LRRC4C: variants seen among roughly 807,000 people sequenced by gnomAD.
The protein encoded by LRRC4C is leucine-rich repeat-containing protein 4C.
In LRRC4C, 5 loss-of-function variants were observed where a neutral mutation model predicts 33.6. The ratio of observed to expected loss-of-function variants is 0.15; its 90% CI spans 0.08 to 0.31. The LOEUF (loss-of-function observed/expected upper bound fraction) is 0.31. Among genes scored for constraint, LRRC4C ranks in the 10% least tolerant of loss-of-function variants. The pLI is 1.00. For synonymous variants in LRRC4C, 329 were observed against 302.0 expected (o/e 1.09, Z -0.93); for missense variants, 560 against 796.7 (o/e 0.70, Z 3.58).
At chr11:40,739,934 A>G (rs1948080878) in intron 2 of LRRC4C, among the ~76,000 whole-genome samples, 1 of 151,944 alleles carries the variant, frequency 6.6e-6, no homozygotes. Context: ...ATATTATACA[A>G]TCAACATATA....
At chr11:41,457,161 C>T (rs1240537322) in intron 1 of LRRC4C, among the ~76,000 whole-genome samples, 2 of 151,814 alleles carry the variant, frequency 1.3e-5, no homozygotes, top group Non-Finnish European at 2.9e-5. Context: ...TAATTTTTAC[C>T]AACACCACAC....
intron 3 of LRRC4C, among the ~76,000 whole-genome samples, chr11:40,354,265 C>A (rs1947553263): frequency 6.6e-6 from 1 of 152,178 alleles, no homozygotes; most frequent in African/African-American, 2.4e-5. Context: ...AGGGCTGACA[C>A]AAACACCCCT....
intron 3 of LRRC4C, among the ~76,000 whole-genome samples, chr11:40,393,726 CTTT>C (rs1214162802): frequency 1.3e-5 from 2 of 152,102 alleles, no homozygotes; most frequent in African/African-American, 4.8e-5. Flanking sequence ...TGCAATGGTC[CTTT>C]AATGAATACT....
intron 1 of LRRC4C, among the ~76,000 whole-genome samples, chr11:41,453,316 C>G (rs1396884199): frequency 1.3e-5 from 2 of 152,012 alleles, no homozygotes; most frequent in Non-Finnish European, 2.9e-5. Context: ...CTGCCAAAGA[C>G]CACAAAAATA....
chr11:40,630,330 CTCTTCTTCTTCT>C (rs200043868), intron 3 of LRRC4C, among the ~76,000 whole-genome samples: 4,137 of 135,464 alleles, frequency 0.031, 106 homozygotes, highest in East Asian at 0.04. Context: ...TTTCTTCTTC[CTCTTCTTCTTCT>C]TCTTCTTCTT....
At chr11:40,763,432 G>A (rs895753398) in intron 2 of LRRC4C, among the ~76,000 whole-genome samples, 3 of 152,088 alleles carry the variant, frequency 2.0e-5, no homozygotes, top group African/African-American at 2.4e-5. Context: ...CATCCCCACT[G>A]CTGCCCAACA....
intron 2 of LRRC4C, among the ~76,000 whole-genome samples, chr11:40,741,164 A>C (rs778473138): frequency 1.3e-5 from 2 of 152,128 alleles, no homozygotes; most frequent in Non-Finnish European, 2.9e-5. Context: ...ACAATTATTA[A>C]GAGTAATATT....
intron 5 of LRRC4C, among the ~76,000 whole-genome samples, chr11:40,147,627 G>A (rs1299889883): frequency 6.6e-6 from 1 of 151,730 alleles, no homozygotes; most frequent in African/African-American, 2.4e-5. Context: ...CTTTTTGTAG[G>A]TTAGACAGAT....
At chr11:40,456,575 C>CA (rs1175733256) in intron 3 of LRRC4C, among the ~76,000 whole-genome samples, 2 of 151,156 alleles carry the variant, frequency 1.3e-5, no homozygotes, top group African/African-American at 2.4e-5. Context: ...AGTTTTACAA[C>CA]AAAAAATGGA....
intron 2 of LRRC4C, among the ~76,000 whole-genome samples, chr11:40,823,907 C>A (rs1490197210): frequency 1.3e-5 from 2 of 151,690 alleles, no homozygotes; most frequent in Non-Finnish European, 2.9e-5. Context: ...TTCATAATAG[C>A]CCAAGAATTG....
At chr11:41,340,404 G>T (rs978699498) in intron 1 of LRRC4C, among the ~76,000 whole-genome samples, 1 of 152,116 alleles carries the variant, frequency 6.6e-6, no homozygotes, top group Non-Finnish European at 1.5e-5. Flanking sequence ...GGGGCATAAG[G>T]CACCCTGAAT....
At chr11:40,486,832 A>G (rs537343682) in intron 3 of LRRC4C, among the ~76,000 whole-genome samples, 2 of 152,150 alleles carry the variant, frequency 1.3e-5, no homozygotes, top group South Asian at 2.1e-4. Context: ...GATTGCCTAT[A>G]TTGTAAACAG....
At chr11:41,105,130 A>C (rs1215019969) in intron 1 of LRRC4C, among the ~76,000 whole-genome samples, 2 of 152,028 alleles carry the variant, frequency 1.3e-5, no homozygotes, top group African/African-American at 4.8e-5. Context: ...AGCACCCTAC[A>C]TTATCTGATC....
chr11:40,840,611 C>T lies in LRRC4C; in HGVS notation c.-407+93024G>A, dbSNP rs1952868516. On this transcript the variant is annotated intron_variant, in intron 2 of 6. Coordinates refer to ENST00000528697, the MANE Select transcript of LRRC4C (RefSeq NM_001258419.2). ...CCGTTTACCATCTGGTGATACATCA[C>T]TGTTATGGTTTCCTTGAACTGGTAA... is the stretch of plus-strand genomic sequence containing the variant. Among the ~76,000 whole-genome samples, 7 of 152,238 alleles carry T rather than the reference C, an allele frequency of 4.6e-5. No individual in the cohort carries two copies. The South Asian group carries it at 1.5e-3, about 32-fold the overall frequency.
chr11:41,406,750 A>G (rs1008944534), intron 1 of LRRC4C, among the ~76,000 whole-genome samples: 3 of 138,950 alleles, frequency 2.2e-5, no homozygotes, highest in Admixed American at 7.3e-5. Context: ...ACACACACAC[A>G]CGCACCCTTA....
intron 4 of LRRC4C, among the ~76,000 whole-genome samples, chr11:40,289,738 G>T (rs1265639849): frequency 2.0e-5 from 3 of 152,216 alleles, no homozygotes; most frequent in Non-Finnish European, 4.4e-5. Flanking sequence ...CCCCAGGTGG[G>T]CCATAGGTTC....
chr11:41,117,436 G>C (rs575497013), intron 1 of LRRC4C, among the ~76,000 whole-genome samples: 2 of 152,050 alleles, frequency 1.3e-5, no homozygotes, highest in African/African-American at 4.8e-5. Context: ...ATAATATTAC[G>C]TGAAAATAGC....
chr11:40,177,103 G>A (rs1381512699), intron 5 of LRRC4C, among the ~76,000 whole-genome samples: 7 of 151,614 alleles, frequency 4.6e-5, no homozygotes, highest in African/African-American at 7.3e-5. Flanking sequence ...ACAGGCGCCC[G>A]CCACCATGTC....
intron 1 of LRRC4C, among the ~76,000 whole-genome samples, chr11:40,942,542 G>A (rs1958203596): frequency 6.6e-6 from 1 of 152,162 alleles, no homozygotes; most frequent in Non-Finnish European, 1.5e-5. Flanking sequence ...TGGGGGCGTT[G>A]CAAGTAGTGC....
Sources: gnomAD v4.1 joint callset for allele counts (sites outside exome capture counted in the v4.1 genomes callset) on GRCh38, gnomAD v4.1.1 for gene constraint, MANE v1.5 for transcripts, NCBI Gene and HGNC (gene_info 2026-07-23, HGNC 2026-07-21) for gene names.